KIAA0319: variants seen among roughly 807,000 people sequenced by gnomAD.
KIAA0319 encodes the protein dyslexia-associated protein KIAA0319.
In KIAA0319, 83 loss-of-function variants were observed where a neutral mutation model predicts 108.4. That is an observed-to-expected ratio of 0.77 (90% CI 0.64 to 0.92). The LOEUF (loss-of-function observed/expected upper bound fraction) is 0.92. Among genes scored for constraint, KIAA0319 ranks in the 40% least tolerant of loss-of-function variants. The pLI, the probability that KIAA0319 is intolerant of heterozygous loss-of-function variation, is 0.00. For synonymous variants in KIAA0319, 484 were observed against 510.4 expected (o/e 0.95, Z 0.70); for missense variants, 1,195 against 1,322.4 (o/e 0.90, Z 1.49).
intron 2 of KIAA0319, 55 bp downstream of exon 2, chr6:24,600,994 A>G: frequency 6.2e-7 from 1 of 1,608,658 alleles, no homozygotes; most frequent in East Asian, 2.2e-5. Flanking sequence ...AGTTGCTTAC[A>G]CTAGTCAAGA....
intron 14 of KIAA0319, among the ~76,000 whole-genome samples, chr6:24,565,221 C>G (rs114335904): frequency 6.6e-6 from 1 of 151,238 alleles, no homozygotes; most frequent in Non-Finnish European, 1.5e-5. Flanking sequence ...CCACTAAACT[C>G]CAGTCTAGGT....
At chr6:24,560,546 G>A (rs1405017185) in intron 16 of KIAA0319, among the ~76,000 whole-genome samples, 2 of 152,214 alleles carry the variant, frequency 1.3e-5, no homozygotes, top group Non-Finnish European at 2.9e-5. Flanking sequence ...TAGGGTTGCT[G>A]TGAAACACGT....
intron 1 of KIAA0319, among the ~76,000 whole-genome samples, chr6:24,629,514 C>CAGAAAAAAAAA (rs1775214933): frequency 4.7e-5 from 2 of 42,412 alleles, no homozygotes; most frequent in Non-Finnish European, 8.0e-5. Context: ...GACTCTGTCT[C>CAGAAAAAAAAA]AAAAAAAAAA....
chr6:24,553,627 A>G (rs1415496126), intron 19 of KIAA0319, among the ~76,000 whole-genome samples: 1 of 152,168 alleles, frequency 6.6e-6, no homozygotes, highest in Non-Finnish European at 1.5e-5. Context: ...GCCTCCTACG[A>G]GGAGAATGGA....
intron 1 of KIAA0319, among the ~76,000 whole-genome samples, chr6:24,637,297 A>G (rs993174789): frequency 9.8e-5 from 15 of 152,342 alleles, no homozygotes; most frequent in Non-Finnish European, 2.1e-4. Flanking sequence ...AAAGTTAGCC[A>G]AAGCTTTAGC....
chr6:24,601,267 C>A (rs1226268688), intron 1 of KIAA0319, 59 bp from the exon 2 acceptor site: 16 of 1,440,816 alleles, frequency 1.1e-5, no homozygotes, highest in Non-Finnish European at 1.5e-5. Flanking sequence ...GTAGAAACAT[C>A]CAAAATTATT....
At chr6:24,610,965 AAAC>A (rs1419139779) in intron 1 of KIAA0319, among the ~76,000 whole-genome samples, 30 of 152,230 alleles carry the variant, frequency 2.0e-4, no homozygotes, top group African/African-American at 5.3e-4. Flanking sequence ...ATATACTAAC[AAAC>A]AAACAAACAA....
intron 2 of KIAA0319, among the ~76,000 whole-genome samples, chr6:24,597,809 TTGGGAGGCCAACA>T (rs1769889619): frequency 6.7e-6 from 1 of 150,364 alleles, no homozygotes; most frequent in African/African-American, 2.4e-5. Context: ...TCCCAGCACT[TTGGGAGGCCAACA>T]TGGGAGGATT....
intron 4 of KIAA0319, among the ~76,000 whole-genome samples, chr6:24,585,342 A>C (rs1767306918): frequency 6.6e-6 from 1 of 152,082 alleles, no homozygotes; most frequent in South Asian, 2.1e-4. Flanking sequence ...AGATTAAAAA[A>C]AAAAAAAGCT....
intron 19 of KIAA0319, among the ~76,000 whole-genome samples, chr6:24,553,916 T>G (rs574015336): frequency 6.6e-6 from 1 of 152,374 alleles, no homozygotes; most frequent in African/African-American, 2.4e-5. Context: ...TCCCTTGTAA[T>G]ATCCTTTGTA....
At chr6:24,573,396 C>A (rs1765013422) in intron 10 of KIAA0319, among the ~76,000 whole-genome samples, 1 of 152,146 alleles carries the variant, frequency 6.6e-6, no homozygotes, top group Non-Finnish European at 1.5e-5. Context: ...GATGGTCAAA[C>A]ACACTATGAT....
In KIAA0319 at chr6:24,596,619, C is replaced by G. The variant is rs145555510; in HGVS notation, c.56-1G>C. The stretch of plus-strand genomic sequence containing the variant: ...TCGCTGCACTGCTTACGGGCACAAC[C>G]TTTAAACAAAGTAGTTTCTAATGAG... On this transcript the variant is annotated splice_acceptor_variant, in intron 2 of 20. Transcript: ENST00000378214. LOFTEE classifies it high-confidence loss of function. The G allele has an allele frequency of 1.1e-5, 17 of 1,592,492 alleles. No homozygotes were observed. The African/African-American group carries it at 2.3e-4, about 21-fold the overall frequency.
At chr6:24,628,529 T>TTTC (rs549059338) in intron 1 of KIAA0319, among the ~76,000 whole-genome samples, 1 of 145,726 alleles carries the variant, frequency 6.9e-6, no homozygotes, top group South Asian at 2.1e-4. Context: ...TCTTTCTTTC[T>TTTC]TTTTTTTTTT....
chr6:24,615,466 C>G (rs1430880475), intron 1 of KIAA0319, among the ~76,000 whole-genome samples: 2 of 151,304 alleles, frequency 1.3e-5, no homozygotes, highest in African/African-American at 2.4e-5. Flanking sequence ...GAATATAAAA[C>G]AAACTAAGAG....
chr6:24,559,224 A>G, intron 16 of KIAA0319, 69 bp from the exon 17 acceptor site: 2 of 1,553,260 alleles, frequency 1.3e-6, no homozygotes, highest in South Asian at 1.2e-5. Context: ...CGCCCACCAC[A>G]GCATCTGACC....
intron 10 of KIAA0319, among the ~76,000 whole-genome samples, chr6:24,574,604 T>C (rs1019632150): frequency 1.1e-4 from 16 of 152,330 alleles, no homozygotes; most frequent in African/African-American, 3.1e-4. Flanking sequence ...TTGAAGTTCA[T>C]GGCATCATGA....
chr6:24,621,489 C>T (rs1352549070), intron 1 of KIAA0319, among the ~76,000 whole-genome samples: 1 of 152,172 alleles, frequency 6.6e-6, no homozygotes, highest in Admixed American at 6.5e-5. Context: ...TCATATTAAT[C>T]TATCTGGGAG....
chr6:24,594,313 T>C (rs1466845806), intron 3 of KIAA0319, among the ~76,000 whole-genome samples: 1 of 143,228 alleles, frequency 7.0e-6, no homozygotes, highest in Non-Finnish European at 1.5e-5. Context: ...CAGAAAAATA[T>C]AAGCAGAAAA....
At chr6:24,578,345 T>G in intron 8 of KIAA0319, 103 bp from the exon 9 acceptor site, 1 of 840,780 alleles carries the variant, frequency 1.2e-6, no homozygotes, top group Non-Finnish European at 1.8e-6. Flanking sequence ...TATAAGAAAT[T>G]ATGTACTTGC....
Sources: allele counts gnomAD v4.1 joint callset (sites outside exome capture counted in the v4.1 genomes callset), GRCh38; gene constraint gnomAD v4.1.1; transcripts MANE v1.5; gene names NCBI Gene and HGNC (gene_info 2026-07-23, HGNC 2026-07-21).